LRCH3: variants seen among roughly 807,000 people sequenced by gnomAD.
LRCH3 encodes DISP complex protein LRCH3.
Under a neutral mutation model 104.5 loss-of-function variants are expected in LRCH3, and 68 were observed. That is an observed-to-expected ratio of 0.65 (90% CI 0.54 to 0.80). The LOEUF (loss-of-function observed/expected upper bound fraction) is 0.80, where lower values mean the gene tolerates loss of function less well. Ranked by LOEUF, LRCH3 falls within the 30% of genes least tolerant of loss-of-function variation. The pLI, the probability that LRCH3 is intolerant of heterozygous loss-of-function variation, is 0.00. For missense variants in LRCH3, 951 were observed against 953.9 expected (o/e 1.00, Z 0.04); for synonymous variants, 344 against 361.3 (o/e 0.95, Z 0.54).
chr3:197,878,230 T>C (rs1713128238), intron 20 of LRCH3, among the ~76,000 whole-genome samples: 1 of 152,228 alleles, frequency 6.6e-6, no homozygotes, highest in Non-Finnish European at 1.5e-5. Flanking sequence ...GGTCTAAGCC[T>C]GTCCGCGGGG....
In LRCH3 at chr3:197,792,201, G is replaced by C. The variant is rs552766779; in HGVS notation, c.262+661G>C. Reference sequence around the variant, plus strand: ...TCTAGTTGACTTACAAAATAAATACGCTTGTAAAAATAACTAGAGCCCACT... The same window carrying C: ...TCTAGTTGACTTACAAAATAAATACCCTTGTAAAAATAACTAGAGCCCACT... On this transcript the variant is annotated intron_variant, in intron 1 of 20. Coordinates refer to ENST00000425562, the MANE Select transcript of LRCH3 (RefSeq NM_001365715.1). Among the ~76,000 whole-genome samples the C allele has an allele frequency of 4.6e-5, 7 of 151,772 alleles. No individual in the cohort carries two copies. In the South Asian group the frequency reaches 1.5e-3, roughly 32 times the overall value.
intron 14 of LRCH3, among the ~76,000 whole-genome samples, chr3:197,858,265 AGTT>A (rs772128714): frequency 1.1e-4 from 16 of 152,102 alleles, no homozygotes; most frequent in Non-Finnish European, 2.2e-4. Flanking sequence ...ACAGCTAACC[AGTT>A]GTTATGTTGG....
intron 7 of LRCH3, 93 bp downstream of exon 7, chr3:197,830,956 T>A: frequency 9.0e-7 from 1 of 1,107,842 alleles, no homozygotes; most frequent in African/African-American, 1.6e-5. Context: ...ATTCAGTTTC[T>A]CACTACATAA....
In LRCH3 at chr3:197,886,969, C is replaced by G. The variant is rs1252069509; in HGVS notation, c.*3303C>G. ...TCAAATTTTGCACATATTATGAAAC[C>G]TTATTAATGTATTTTTATCAAACTA... On this transcript the variant is annotated 3_prime_UTR_variant, in exon 21 of 21. Transcript: ENST00000425562. The G allele has an allele frequency of 2.6e-5, 4 of 152,144 alleles. No homozygotes were observed. Among genetic ancestry groups the G allele is most frequent in the African/African-American group, 9.6e-5 (4 of 41,500 alleles). 9.4% of individuals were successfully genotyped at this position (152,144 alleles called of 1,614,324 possible).
At chr3:197,840,701 T>A (rs915272679) in intron 10 of LRCH3, among the ~76,000 whole-genome samples, 3 of 148,392 alleles carry the variant, frequency 2.0e-5, no homozygotes, top group Non-Finnish European at 4.4e-5. Flanking sequence ...GAGCTATAGA[T>A]GGAATAAATG....
At chr3:197,866,076 T>C (rs777005927) in intron 16 of LRCH3, 36 bp from the exon 17 acceptor site, 3 of 1,431,874 alleles carry the variant, frequency 2.1e-6, no homozygotes, top group African/African-American at 2.8e-5. Flanking sequence ...TATTTTCATC[T>C]CCTTTAATCT....
intron 9 of LRCH3, among the ~76,000 whole-genome samples, chr3:197,838,281 T>C (rs757641956): frequency 6.6e-5 from 10 of 152,212 alleles, no homozygotes; most frequent in Non-Finnish European, 1.5e-4. Flanking sequence ...TAAAATGGTG[T>C]CTTCACTAAA....
At chr3:197,836,956 G>A (rs1374071216) in intron 9 of LRCH3, among the ~76,000 whole-genome samples, 1 of 152,126 alleles carries the variant, frequency 6.6e-6, no homozygotes, top group African/African-American at 2.4e-5. Flanking sequence ...GGGATTACAG[G>A]TGTGAGCCAC....
intron 15 of LRCH3, 33 bp downstream of exon 15, chr3:197,858,938 T>C (rs373485083): frequency 5.8e-5 from 90 of 1,557,192 alleles, no homozygotes; most frequent in Non-Finnish European, 7.4e-5. Context: ...ACCAGGAAGT[T>C]TGGGGAGGAG....
At chr3:197,875,839 G>A in intron 20 of LRCH3, 64 bp downstream of exon 20, 1 of 1,071,998 alleles carries the variant, frequency 9.3e-7, no homozygotes, top group South Asian at 1.4e-5. Flanking sequence ...TTTTAGAAAT[G>A]TAAATCTCTA....
At chr3:197,838,432 TTCTTGGAGGTAGATGC>T (rs1334712883) in intron 9 of LRCH3, among the ~76,000 whole-genome samples, 1 of 143,804 alleles carries the variant, frequency 7.0e-6, no homozygotes, top group South Asian at 2.1e-4. Context: ...ATATACCTGT[TTCTTGGAGGTAGATGC>T]TATTTCTTGG....
chr3:197,824,231 A>AT (rs1197626946), intron 4 of LRCH3, among the ~76,000 whole-genome samples: 1 of 151,506 alleles, frequency 6.6e-6, no homozygotes, highest in Non-Finnish European at 1.5e-5. Flanking sequence ...TGCCCAGCTA[A>AT]TTTTTGTATT....
rs184696112 is a variant in LRCH3, at chr3:197,838,210, G to A, written c.1252-1111G>A. 3.2e-3 allele frequency among the ~76,000 whole-genome samples: 491 copies of A among 152,340 alleles called. 3 individuals carry two copies. The highest frequency in any genetic ancestry group is 9.9e-3 in the African/African-American group (412 of 41,572). On this transcript the variant is annotated intron_variant, in intron 9 of 20. Coordinates refer to ENST00000425562, the MANE Select transcript of LRCH3 (RefSeq NM_001365715.1). ...TGAAGTAGGAAGACTGCTTGAGCCCGGCAGTTTGAGGCCGGCCTGGGCCAC... is the reference window on the plus strand; with the variant it reads ...TGAAGTAGGAAGACTGCTTGAGCCCAGCAGTTTGAGGCCGGCCTGGGCCAC...
At position 197,887,521 on chromosome 3, in the gene LRCH3, T is replaced by C. The variant is rs1307772133; in HGVS notation, c.*3855T>C. On this transcript the variant is annotated 3_prime_UTR_variant, in exon 21 of 21. Coordinates refer to ENST00000425562, the MANE Select transcript of LRCH3 (RefSeq NM_001365715.1). ...GAGCCCCCCAGCAGAGCCCTTCCCA[T>C]CACTGAACAGTGTTGGCGGCTGAGA... 1 of 111,244 alleles carries C rather than the reference T, an allele frequency of 9.0e-6. No homozygotes were observed. The highest frequency in any genetic ancestry group is 3.4e-4 in the East Asian group (1 of 2,950). The allele number at this position is 111,244 out of a possible 1,614,324, so 6.9% of individuals were successfully genotyped here. A position where few individuals can be genotyped will look rare whatever the true frequency, so the allele number is the denominator to read the frequency against.
chr3:197,883,755 T>G lies in LRCH3; in HGVS notation c.*89T>G. 1 of 1,379,004 alleles carries G rather than the reference T, an allele frequency of 7.3e-7. No homozygotes were observed. The highest frequency in any genetic ancestry group is 9.6e-7 in the Non-Finnish European group (1 of 1,040,890). The allele number at this position is 1,379,004 out of a possible 1,614,324, so 85.4% of individuals were successfully genotyped here. A position where few individuals can be genotyped will look rare whatever the true frequency, so the allele number is the denominator to read the frequency against. ...TGCCAGCTGTCTGCTTAAACAAAGC[T>G]CTTGTGTGTTCTCAGAAGGGACCGT... On this transcript the variant is annotated 3_prime_UTR_variant, in exon 21 of 21. Transcript: ENST00000425562. The surrounding 1 kb of genome is among the most constrained non-coding windows in gnomAD (Gnocchi z 4.2).
chr3:197,879,564 G>T (rs140324759), intron 20 of LRCH3, among the ~76,000 whole-genome samples: 6,643 of 148,228 alleles, frequency 0.045, 635 homozygotes, highest in African/African-American at 0.15. Flanking sequence ...GAGAATGGCG[G>T]GAACCCGGGA....
At chr3:197,830,514 C>T (rs543775554) in intron 6 of LRCH3, among the ~76,000 whole-genome samples, 7 of 152,286 alleles carry the variant, frequency 4.6e-5, no homozygotes, top group Admixed American at 4.6e-4. Flanking sequence ...CTAGTAAACT[C>T]GCCTCATTGG....
At chr3:197,870,051 G>A (rs1433554406) in intron 17 of LRCH3, 109 bp from the exon 18 acceptor site, 1 of 1,085,454 alleles carries the variant, frequency 9.2e-7, no homozygotes, top group Non-Finnish European at 1.4e-6. Context: ...ACCTGCAGGA[G>A]GTAGAAAGCC....
intron 1 of LRCH3, among the ~76,000 whole-genome samples, chr3:197,793,901 G>A (rs1280404975): frequency 6.6e-6 from 1 of 152,150 alleles, no homozygotes; most frequent in Non-Finnish European, 1.5e-5. Flanking sequence ...TCGTTACCCA[G>A]TCTCTGTTTT....
Sources: allele counts gnomAD v4.1 joint callset (sites outside exome capture counted in the v4.1 genomes callset), GRCh38; gene constraint gnomAD v4.1.1; non-coding constraint Gnocchi (gnomAD v3.1); transcripts MANE v1.5; gene names NCBI Gene and HGNC (gene_info 2026-07-23, HGNC 2026-07-21).